The following PALM2AKAP2 variants were observed in gnomAD, a reference collection of about 807,000 sequenced individuals.
The protein encoded by PALM2AKAP2 is PALM2 and AKAP2 fusion, also known as PALM2-AKAP2 fusion protein.
Under a neutral mutation model 71.5 loss-of-function variants are expected in PALM2AKAP2, and 37 were observed. The ratio of observed to expected loss-of-function variants is 0.52; its 90% CI spans 0.40 to 0.68. The LOEUF is 0.68. PALM2AKAP2 is among the 30% of genes least tolerant of loss of function. PALM2AKAP2 has a pLI of 0.00. For synonymous variants in PALM2AKAP2, 468 were observed against 478.8 expected (o/e 0.98, Z 0.29); for missense variants, 1,224 against 1,191.8 (o/e 1.03, Z -0.40).
intron 3 of PALM2AKAP2, among the ~76,000 whole-genome samples, chr9:109,906,080 A>G (rs771147622): frequency 6.6e-6 from 1 of 152,216 alleles, no homozygotes; most frequent in Non-Finnish European, 1.5e-5. Flanking sequence ...CAGCTGGGCC[A>G]TCACATGGAA....
At chr9:110,032,604 T>A (rs1222437694) in intron 7 of PALM2AKAP2, among the ~76,000 whole-genome samples, 1 of 151,748 alleles carries the variant, frequency 6.6e-6, no homozygotes, top group Non-Finnish European at 1.5e-5. Flanking sequence ...GGCAGAAGAA[T>A]CGCTTGACCC....
At chr9:110,134,325 G>A (rs1008175142) in intron 1 of PALM2AKAP2, among the ~76,000 whole-genome samples, 7 of 150,656 alleles carry the variant, frequency 4.6e-5, no homozygotes, top group Non-Finnish European at 1.0e-4. Flanking sequence ...ATTTAATGAT[G>A]GTCAAAAATA....
intron 1 of PALM2AKAP2, among the ~76,000 whole-genome samples, chr9:109,806,336 C>CT (rs2131419180): frequency 6.6e-6 from 1 of 152,272 alleles, no homozygotes; most frequent in East Asian, 1.9e-4. Flanking sequence ...AAACATGCAT[C>CT]TGAGTTTATG....
At chr9:109,784,424 A>G (rs1826907121) in intron 1 of PALM2AKAP2, among the ~76,000 whole-genome samples, 1 of 152,210 alleles carries the variant, frequency 6.6e-6, no homozygotes, top group Non-Finnish European at 1.5e-5. Flanking sequence ...ATAAAATAAC[A>G]TCATAACCTT....
chr9:109,765,916 C>T (rs558637643), intron 1 of PALM2AKAP2, among the ~76,000 whole-genome samples: 185 of 152,284 alleles, frequency 1.2e-3, no homozygotes, highest in African/African-American at 4.3e-3. Flanking sequence ...TTGGTATCAA[C>T]CCAGTGACCA....
chr9:110,136,496 G>A, exon 2 of PALM2AKAP2: 1 of 1,614,080 alleles, frequency 6.2e-7, no homozygotes, highest in Non-Finnish European at 8.5e-7. Flanking sequence ...AGTGGTTCTG[G>A]TGGGCGGCCT....
At chr9:109,715,477 T>C (rs747021800) in intron 1 of PALM2AKAP2, among the ~76,000 whole-genome samples, 7 of 152,176 alleles carry the variant, frequency 4.6e-5, no homozygotes, top group Non-Finnish European at 8.8e-5. Context: ...TCCGTTCTTC[T>C]TCCCAGGGAT....
intron 1 of PALM2AKAP2, among the ~76,000 whole-genome samples, chr9:109,666,735 G>A (rs1827491066): frequency 6.6e-6 from 1 of 152,166 alleles, no homozygotes; most frequent in Non-Finnish European, 1.5e-5. Context: ...TCAGCAGAAG[G>A]CTCCCAATGA....
intron 1 of PALM2AKAP2, among the ~76,000 whole-genome samples, chr9:109,821,168 A>C (rs1827990125): frequency 6.6e-6 from 1 of 152,198 alleles, no homozygotes; most frequent in Admixed American, 6.5e-5. Flanking sequence ...AGGTGGGACC[A>C]GGTGCAACCC....
intron 1 of PALM2AKAP2, among the ~76,000 whole-genome samples, chr9:109,860,048 T>A (rs952714168): frequency 4.6e-5 from 7 of 152,230 alleles, no homozygotes; most frequent in African/African-American, 1.4e-4. Context: ...TGATTGGTGA[T>A]CTTGAAGACA....
chr9:110,143,234 C>T, intron 2 of PALM2AKAP2, among the ~76,000 whole-genome samples: 1 of 146,736 alleles, frequency 6.8e-6, no homozygotes, highest in Non-Finnish European at 1.5e-5. Context: ...GGCAACATAG[C>T]AAGTCCCCAT....
intron 6 of PALM2AKAP2, among the ~76,000 whole-genome samples, chr9:109,962,502 A>G (rs931182721): frequency 6.6e-6 from 1 of 152,214 alleles, no homozygotes; most frequent in African/African-American, 2.4e-5. Context: ...CCATAAACCT[A>G]AAATATTTAT....
At chr9:109,913,923 A>AT (rs1453232952) in intron 3 of PALM2AKAP2, among the ~76,000 whole-genome samples, 1 of 151,822 alleles carries the variant, frequency 6.6e-6, no homozygotes, top group East Asian at 1.9e-4. Context: ...CGCCCAGCTA[A>AT]TTTTTTGTAT....
chr9:109,820,070 C>T (rs925125396), intron 1 of PALM2AKAP2, among the ~76,000 whole-genome samples: 3 of 152,164 alleles, frequency 2.0e-5, no homozygotes, highest in African/African-American at 7.2e-5. Flanking sequence ...TAGACTTACA[C>T]ATACCTTATG....
Position 109,956,346 on chromosome 9 carries a change from T to A in PALM2AKAP2, c.496+24318T>A, listed in dbSNP as rs139867768. Among the ~76,000 whole-genome samples, 66 of 151,992 alleles carry A rather than the reference T, an allele frequency of 4.3e-4. No individual in the cohort carries two copies. The East Asian group carries it at 0.012, about 28-fold the overall frequency. On this transcript the variant is annotated intron_variant, in intron 6 of 9. Transcript: ENST00000302798. ...AAGATGATAATTGTATTTCCCAAAT[T>A]AAAAAAAATATTTCCAAGTCACTGA...
intron 1 of PALM2AKAP2, among the ~76,000 whole-genome samples, chr9:109,671,187 C>T (rs1445589337): frequency 6.6e-6 from 1 of 152,008 alleles, no homozygotes; most frequent in Non-Finnish European, 1.5e-5. Context: ...TTGCCTGTGC[C>T]TATGTCCTGA....
intron 1 of PALM2AKAP2, among the ~76,000 whole-genome samples, chr9:110,131,211 A>AG (rs5899879): frequency 0.76 from 114,904 of 152,068 alleles, 43,531 homozygotes; most frequent in East Asian, 0.97. Context: ...TAACTATTCT[A>AG]GAATTTAGTG....
intron 1 of PALM2AKAP2, among the ~76,000 whole-genome samples, chr9:109,690,916 G>A (rs1391177412): frequency 2.0e-5 from 3 of 152,078 alleles, no homozygotes; most frequent in African/African-American, 7.2e-5. Flanking sequence ...ATGCACACTG[G>A]CCACTTCTCA....
chr9:110,124,430 A>G (rs1248828629), intron 1 of PALM2AKAP2, among the ~76,000 whole-genome samples: 1 of 152,242 alleles, frequency 6.6e-6, no homozygotes, highest in African/African-American at 2.4e-5. Flanking sequence ...TGAGTACTTC[A>G]TGGTACTGAA....
Sources: gnomAD v4.1 joint callset for allele counts (sites outside exome capture counted in the v4.1 genomes callset) on GRCh38, gnomAD v4.1.1 for gene constraint, MANE v1.5 for transcripts, NCBI Gene and HGNC (gene_info 2026-07-23, HGNC 2026-07-21) for gene names.